BAIAP2L1: variants seen among roughly 807,000 people sequenced by gnomAD.
The protein encoded by BAIAP2L1 is BAR/IMD domain containing adaptor protein 2 like 1, also known as BAR/IMD domain-containing adapter protein 2-like 1.
A neutral mutation model predicts 66.3 loss-of-function variants in BAIAP2L1; 35 were observed. That is an observed-to-expected ratio of 0.53 (90% CI 0.40 to 0.70). The LOEUF is 0.70. Ranked by LOEUF, BAIAP2L1 falls within the 30% of genes least tolerant of loss-of-function variation. BAIAP2L1 has a pLI of 0.00. For missense variants in BAIAP2L1, 622 were observed against 656.9 expected, an observed-to-expected ratio of 0.95 and a Z score of 0.58; for synonymous variants, 269 against 248.7, an observed-to-expected ratio of 1.08 and a Z score of -0.77.
intron 1 of BAIAP2L1, chr7:98,399,848 C>T (rs1803310272): frequency 6.6e-6 from 1 of 152,194 alleles, no homozygotes; most frequent in South Asian, 2.1e-4. Context: ...TTCATTAAAA[C>T]CTCGGTTGTT....
chr7:98,360,575 T>C (rs1802247345), intron 2 of BAIAP2L1, among the ~76,000 whole-genome samples: 1 of 151,288 alleles, frequency 6.6e-6, no homozygotes, highest in African/African-American at 2.4e-5. Flanking sequence ...AGCTAAGCTG[T>C]AGGCAGCTCA....
At position 98,307,859 on chromosome 7, in the gene BAIAP2L1, C is replaced by T. The variant is rs779672960; in HGVS notation, c.993G>A (p.Ser331=). 17 of 1,614,090 alleles carry T rather than the reference C, an allele frequency of 1.1e-5. No individual in the cohort carries two copies. In the African/African-American group the frequency reaches 1.1e-4, roughly 10 times the overall value. ...TCATCATGTTCAGTCCCGTTGCAAC[C>T]GAAACTGATCGCTGTAAACTGGGAT... ...SEDPSLQRSV[S]VATGLNMMKK... Residue 331 remains serine (S), a synonymous_variant, in exon 10 of 14, where the codon TCG becomes TCA. Coordinates refer to ENST00000005260, the MANE Select transcript of BAIAP2L1 (RefSeq NM_018842.5).
intron 1 of BAIAP2L1, among the ~76,000 whole-genome samples, chr7:98,388,560 T>C (rs1012603878): frequency 2.6e-5 from 4 of 152,230 alleles, no homozygotes; most frequent in Admixed American, 6.5e-5. Flanking sequence ...ATATTGTTCC[T>C]GCATTTATTG....
At chr7:98,400,756 G>T in intron 1 of BAIAP2L1, 46 bp downstream of exon 1, 1 of 1,544,144 alleles carries the variant, frequency 6.5e-7, no homozygotes, top group Non-Finnish European at 8.8e-7. Context: ...TCTGAACCCC[G>T]AGGTGGAAAG....
chr7:98,296,811 C>T (rs966467041), intron 12 of BAIAP2L1, among the ~76,000 whole-genome samples: 4 of 152,230 alleles, frequency 2.6e-5, no homozygotes, highest in African/African-American at 4.8e-5. Context: ...AGGAGACCCA[C>T]GAGGGCAGGG....
chr7:98,305,314 TAA>T (rs1800613056), intron 11 of BAIAP2L1, among the ~76,000 whole-genome samples: 1 of 109,706 alleles, frequency 9.1e-6, no homozygotes, highest in South Asian at 2.7e-4. Context: ...AGCAATGAGC[TAA>T]GAGTTAAAAA....
chr7:98,341,898 T>C (rs1458607092), intron 3 of BAIAP2L1, among the ~76,000 whole-genome samples: 1 of 152,262 alleles, frequency 6.6e-6, no homozygotes, highest in East Asian at 1.9e-4. Context: ...AGATAAGTGA[T>C]TTTGGTCAAT....
chr7:98,342,766 C>G (rs1455562303), intron 3 of BAIAP2L1, among the ~76,000 whole-genome samples: 1 of 152,144 alleles, frequency 6.6e-6, no homozygotes, highest in East Asian at 1.9e-4. Flanking sequence ...AAAGGTTCTT[C>G]TAAAGATTTT....
intron 3 of BAIAP2L1, among the ~76,000 whole-genome samples, chr7:98,341,730 G>A (rs1055322697): frequency 1.3e-5 from 2 of 151,994 alleles, no homozygotes; most frequent in African/African-American, 4.8e-5. Context: ...GTGCTGTCAT[G>A]ATGATTATAG....
At chr7:98,302,886 G>C (rs762767976) in intron 12 of BAIAP2L1, among the ~76,000 whole-genome samples, 1 of 152,138 alleles carries the variant, frequency 6.6e-6, no homozygotes, top group Admixed American at 6.5e-5. Context: ...CTGGGTTCAG[G>C]CTATCCTCCC....
intron 3 of BAIAP2L1, among the ~76,000 whole-genome samples, chr7:98,353,671 ATAT>A (rs1278126176): frequency 7.8e-5 from 11 of 141,324 alleles, no homozygotes; most frequent in Non-Finnish European, 1.5e-4. Flanking sequence ...TATATAAATA[ATAT>A]TATGGCTGGG....
intron 3 of BAIAP2L1, 54 bp from the exon 4 acceptor site, chr7:98,320,352 T>C: frequency 7.2e-7 from 1 of 1,391,328 alleles, no homozygotes; most frequent in South Asian, 1.3e-5. Context: ...TTTTTTGTTT[T>C]GAAATGGAGT....
chr7:98,335,844 T>C (rs1801606124), intron 3 of BAIAP2L1, among the ~76,000 whole-genome samples: 1 of 152,148 alleles, frequency 6.6e-6, no homozygotes, highest in Non-Finnish European at 1.5e-5. Context: ...CGTTCACAGT[T>C]CCTGTCCAGG....
chr7:98,359,758 T>G (rs954058647), intron 2 of BAIAP2L1, among the ~76,000 whole-genome samples: 12 of 149,464 alleles, frequency 8.0e-5, no homozygotes, highest in Admixed American at 2.0e-4. Context: ...TTTTTTTTTT[T>G]TTTTTTTTTT....
chr7:98,382,310 T>C (rs1802777852), intron 1 of BAIAP2L1, among the ~76,000 whole-genome samples: 1 of 152,098 alleles, frequency 6.6e-6, no homozygotes, highest in African/African-American at 2.4e-5. Flanking sequence ...TCTGAGAAGG[T>C]AACTTGAAGG....
At chr7:98,327,400 G>A (rs971386969) in intron 3 of BAIAP2L1, among the ~76,000 whole-genome samples, 20 of 146,938 alleles carry the variant, frequency 1.4e-4, no homozygotes, top group Middle Eastern at 3.6e-3. Context: ...AAAGCCAGGC[G>A]TGGTGGCTCA....
chr7:98,309,075 A>G (rs1176112939), intron 9 of BAIAP2L1: 1 of 152,078 alleles, frequency 6.6e-6, no homozygotes, highest in Non-Finnish European at 1.5e-5. Context: ...ATTCTTGCAG[A>G]TTCTTCATGA....
chr7:98,335,672 C>G (rs1436910223), intron 3 of BAIAP2L1, among the ~76,000 whole-genome samples: 1 of 152,218 alleles, frequency 6.6e-6, no homozygotes, highest in Non-Finnish European at 1.5e-5. Flanking sequence ...ACATCCTTGC[C>G]TCACCAGAAA....
chr7:98,351,150 T>C (rs754488937), intron 3 of BAIAP2L1, among the ~76,000 whole-genome samples: 38 of 152,286 alleles, frequency 2.5e-4, no homozygotes, highest in Non-Finnish European at 5.1e-4. Context: ...CCTGAGCCAC[T>C]GTACCCGGCC....
Sources: allele counts gnomAD v4.1 joint callset (sites outside exome capture counted in the v4.1 genomes callset), GRCh38; gene constraint gnomAD v4.1.1; transcripts MANE v1.5; gene names NCBI Gene and HGNC (gene_info 2026-07-23, HGNC 2026-07-21).